PPP2R5E: variants seen among roughly 807,000 people sequenced by gnomAD.
PPP2R5E encodes protein phosphatase 2 regulatory subunit B'epsilon.
PPP2R5E carries 4 observed loss-of-function variants against 65.3 expected under a neutral mutation model. The observed-to-expected ratio is 0.06, with a 90% CI of 0.03 to 0.14. PPP2R5E has a LOEUF of 0.14. PPP2R5E is among the 10% of genes least tolerant of loss of function. The pLI, the probability that PPP2R5E is intolerant of heterozygous loss-of-function variation, is 1.00. For synonymous variants in PPP2R5E, 183 were observed against 187.4 expected (o/e 0.98, Z 0.19); for missense variants, 274 against 556.1 (o/e 0.49, Z 5.10).
intron 3 of PPP2R5E, among the ~76,000 whole-genome samples, chr14:63,430,268 C>T (rs1291439537): frequency 2.0e-5 from 3 of 152,038 alleles, no homozygotes; most frequent in African/African-American, 7.2e-5. Context: ...AATCCCAGCA[C>T]TTTGGGAGGC....
At chr14:63,394,715 A>G (rs1010508363) in intron 7 of PPP2R5E, among the ~76,000 whole-genome samples, 5 of 152,198 alleles carry the variant, frequency 3.3e-5, no homozygotes, top group African/African-American at 1.2e-4. Flanking sequence ...AGAAAAGATT[A>G]AGTAATCATA....
At chr14:63,405,826 G>T (rs2139832395) in intron 5 of PPP2R5E, among the ~76,000 whole-genome samples, 1 of 152,220 alleles carries the variant, frequency 6.6e-6, no homozygotes, top group East Asian at 1.9e-4. Flanking sequence ...ATAAAGCCTA[G>T]GCAAGTCTAC....
chr14:63,486,687 T>TC (rs34769376), intron 2 of PPP2R5E, among the ~76,000 whole-genome samples: 1 of 152,078 alleles, frequency 6.6e-6, no homozygotes, highest in South Asian at 2.1e-4. Context: ...GCCTCCTTTT[T>TC]CCCCACCATC....
intron 2 of PPP2R5E, among the ~76,000 whole-genome samples, chr14:63,502,014 C>A (rs1891916152): frequency 6.6e-6 from 1 of 152,154 alleles, no homozygotes; most frequent in South Asian, 2.1e-4. Flanking sequence ...TCTGTCTCGG[C>A]CTCCCGAGTA....
intron 2 of PPP2R5E, among the ~76,000 whole-genome samples, chr14:63,455,426 C>T (rs1889063041): frequency 6.6e-6 from 1 of 152,182 alleles, no homozygotes; most frequent in Admixed American, 6.5e-5. Context: ...AGCATCACTC[C>T]TACTCTCAGC....
At chr14:63,525,461 A>G (rs181211738) in intron 2 of PPP2R5E, among the ~76,000 whole-genome samples, 69 of 152,348 alleles carry the variant, frequency 4.5e-4, no homozygotes, top group South Asian at 2.1e-4. Context: ...GACATACAGG[A>G]GAAGAAACCT....
chr14:63,529,153 G>T (rs1027198714), intron 2 of PPP2R5E, among the ~76,000 whole-genome samples: 2 of 152,030 alleles, frequency 1.3e-5, no homozygotes, highest in Admixed American at 6.6e-5. Flanking sequence ...TAGGAACAGG[G>T]GTCTCACTAT....
At chr14:63,423,140 G>A (rs185018101) in intron 3 of PPP2R5E, among the ~76,000 whole-genome samples, 54 of 152,228 alleles carry the variant, frequency 3.5e-4, no homozygotes, top group African/African-American at 1.2e-3. Flanking sequence ...TGTCACCCAC[G>A]CTGGAGTGCA....
chr14:63,499,934 T>A (rs1389353508), intron 2 of PPP2R5E, among the ~76,000 whole-genome samples: 14 of 152,216 alleles, frequency 9.2e-5, no homozygotes, highest in Non-Finnish European at 1.5e-5. Context: ...CAGTTTTTTG[T>A]CTGGTATTTC....
intron 6 of PPP2R5E, 100 bp downstream of exon 6, chr14:63,396,486 A>G (rs1000300500): frequency 7.7e-6 from 11 of 1,436,550 alleles, no homozygotes; most frequent in East Asian, 7.1e-5. Context: ...AAAGGGAGAA[A>G]GAGAAGTCAG....
chr14:63,488,368 T>C (rs1409684764), intron 2 of PPP2R5E, among the ~76,000 whole-genome samples: 1 of 152,040 alleles, frequency 6.6e-6, no homozygotes, highest in Non-Finnish European at 1.5e-5. Flanking sequence ...TACCTAATTT[T>C]TGTTTTATTC....
At chr14:63,391,441 G>T (rs1176110408) in intron 10 of PPP2R5E, among the ~76,000 whole-genome samples, 1 of 141,432 alleles carries the variant, frequency 7.1e-6, no homozygotes, top group African/African-American at 2.8e-5. Flanking sequence ...TTTTGTTTTT[G>T]AGACAGAGTT....
Position 63,430,393 on chromosome 14 carries a change from A to G in PPP2R5E, c.355-8299T>C, listed in dbSNP as rs59522618. 4.0e-3 allele frequency among the ~76,000 whole-genome samples: 560 copies of G among 139,002 alleles called. 4 individuals are homozygous for G. Among genetic ancestry groups the G allele is most frequent in the African/African-American group, 0.015 (473 of 32,140 alleles). 91.2% of individuals were successfully genotyped at this position (139,002 alleles called of 152,430 possible). On this transcript the variant is annotated intron_variant, in intron 3 of 13. Transcript: ENST00000337537. ...TACATGCATGCATACATACATACAT[A>G]CATACATGCATACATACATACATAC...
At chr14:63,414,080 G>A (rs1388473337) in intron 5 of PPP2R5E, among the ~76,000 whole-genome samples, 1 of 152,154 alleles carries the variant, frequency 6.6e-6, no homozygotes, top group Non-Finnish European at 1.5e-5. Flanking sequence ...CTCTCTGGAA[G>A]CTTGCCTGAC....
rs573661722 is a variant in PPP2R5E at position 63,518,049 on chromosome 14, AG to A, written c.157+21479del. 2.3e-3 allele frequency among the ~76,000 whole-genome samples: 348 copies of A among 152,352 alleles called. 4 individuals are homozygous for A. Among genetic ancestry groups the A allele is most frequent in the Middle Eastern group, 6.8e-3 (2 of 292 alleles). ...ACACAGTGGCATCCATAGAACATATAGCTGAGCCTACAGATAGATTTTATTT... is the reference window on the plus strand; with the variant it reads ...ACACAGTGGCATCCATAGAACATATACTGAGCCTACAGATAGATTTTATTT... On this transcript the variant is annotated intron_variant, in intron 2 of 13. Coordinates refer to ENST00000337537, the MANE Select transcript of PPP2R5E (RefSeq NM_006246.5).
In PPP2R5E at chr14:63,374,062, A is replaced by G. The variant is rs1883840895; in HGVS notation, c.*1947T>C. ...TAAACCATGTTGCGTCTGGTGTTGC[A>G]TATGACTTTTTTTTTTTACTGCTTT... On this transcript the variant is annotated 3_prime_UTR_variant, in exon 14 of 14. Coordinates refer to ENST00000337537, the MANE Select transcript of PPP2R5E (RefSeq NM_006246.5). The G allele has an allele frequency of 6.7e-6, 1 of 149,232 alleles. No individual in the cohort carries two copies. Among genetic ancestry groups the G allele is most frequent in the Admixed American group, 6.7e-5 (1 of 14,942 alleles). 9.2% of individuals were successfully genotyped at this position (149,232 alleles called of 1,614,324 possible).
intron 3 of PPP2R5E, among the ~76,000 whole-genome samples, chr14:63,425,903 G>GCCATAC: frequency 1.3e-5 from 2 of 152,134 alleles, no homozygotes; most frequent in Non-Finnish European, 2.9e-5. Flanking sequence ...GCAAAAGAAG[G>GCCATAC]CCAAGTTGGG....
chr14:63,518,012 T>C (rs138464833), intron 2 of PPP2R5E, among the ~76,000 whole-genome samples: 114 of 151,920 alleles, frequency 7.5e-4, no homozygotes, highest in African/African-American at 2.6e-3. Flanking sequence ...CTTAAGATTG[T>C]GTACTTTAAT....
chr14:63,435,739 A>T (rs948581367), intron 3 of PPP2R5E, among the ~76,000 whole-genome samples: 1 of 152,152 alleles, frequency 6.6e-6, no homozygotes, highest in Non-Finnish European at 1.5e-5. Context: ...TTCGGCTCCT[A>T]TTTCAAGATC....
Sources: allele counts gnomAD v4.1 joint callset (sites outside exome capture counted in the v4.1 genomes callset), GRCh38; gene constraint gnomAD v4.1.1; transcripts MANE v1.5; gene names NCBI Gene and HGNC (gene_info 2026-07-23, HGNC 2026-07-21).